HRH1: variants seen among roughly 807,000 people sequenced by gnomAD.
HRH1 encodes histamine H1 receptor.
A neutral mutation model predicts 10.3 loss-of-function variants in HRH1; 6 were observed. The observed-to-expected ratio is 0.58, with a 90% CI of 0.32 to 1.15. HRH1 has a LOEUF of 1.15. Among genes scored for constraint, HRH1 ranks in the 50% most tolerant of loss-of-function variants. The pLI is 0.05. For missense variants in HRH1, 514 were observed against 615.3 expected (o/e 0.84, Z 1.74); for synonymous variants, 242 against 236.7 (o/e 1.02, Z -0.21).
chr3:11,176,567 C>G (rs537538771), intron 1 of HRH1, among the ~76,000 whole-genome samples: 1 of 152,292 alleles, frequency 6.6e-6, no homozygotes, highest in East Asian at 1.9e-4. Context: ...GCCTACTGCT[C>G]CAGGTATGGC....
At chr3:11,247,168 C>T (rs184399673) in intron 1 of HRH1, among the ~76,000 whole-genome samples, 183 of 151,926 alleles carry the variant, frequency 1.2e-3, no homozygotes, top group African/African-American at 4.1e-3. Flanking sequence ...ACTAAAAATA[C>T]AAAATTGGCC....
chr3:11,230,774 C>T (rs113768185), intron 1 of HRH1, among the ~76,000 whole-genome samples: 5 of 152,110 alleles, frequency 3.3e-5, no homozygotes, highest in African/African-American at 9.7e-5. Context: ...TCTGGGAGTG[C>T]GGCCAAGGTA....
chr3:11,224,680 A>G (rs1225151033), intron 1 of HRH1, among the ~76,000 whole-genome samples: 2 of 149,418 alleles, frequency 1.3e-5, no homozygotes, highest in African/African-American at 4.9e-5. Flanking sequence ...AGCCTGGGCG[A>G]CTGAGCGAGA....
Position 11,260,690 on chromosome 3 carries a change from G to T in HRH1, c.*189G>T. 1 of 548,918 alleles carries T rather than the reference G, an allele frequency of 1.8e-6. No homozygotes were observed. 34.0% of individuals were successfully genotyped at this position (548,918 alleles called of 1,614,324 possible). A position where few individuals can be genotyped will look rare whatever the true frequency, so the allele number is the denominator to read the frequency against. On this transcript the variant is annotated 3_prime_UTR_variant, in exon 2 of 2. Transcript: ENST00000431010. ...ACAGCAGATGGCGGTGATCAGCAGA[G>T]AGATTGAACTTTGAGGAGGAAGCAG...
intron 1 of HRH1, among the ~76,000 whole-genome samples, chr3:11,208,472 G>T (rs1938215851): frequency 6.6e-6 from 1 of 151,928 alleles, no homozygotes; most frequent in East Asian, 1.9e-4. Context: ...TTTGTTTTTT[G>T]AGGGTTTTTT....
intron 1 of HRH1, among the ~76,000 whole-genome samples, chr3:11,247,516 T>C (rs757337686): frequency 6.6e-6 from 1 of 152,112 alleles, no homozygotes; most frequent in African/African-American, 2.4e-5. Context: ...ATAGGGTCTA[T>C]TAGGCGGGAA....
intron 1 of HRH1, among the ~76,000 whole-genome samples, chr3:11,215,430 T>G (rs974351710): frequency 9.9e-5 from 15 of 151,796 alleles, no homozygotes; most frequent in Admixed American, 5.3e-4. Flanking sequence ...TGTTTTTGGG[T>G]TTTTTTTGTT....
chr3:11,192,590 TTTTG>T (rs1937564597), intron 1 of HRH1, among the ~76,000 whole-genome samples: 1 of 152,154 alleles, frequency 6.6e-6, no homozygotes, highest in Non-Finnish European at 1.5e-5. Flanking sequence ...AGGCACTTGT[TTTTG>T]TTTGTTTGTT....
chr3:11,165,826 G>A (rs1335620992), intron 1 of HRH1, among the ~76,000 whole-genome samples: 1 of 152,202 alleles, frequency 6.6e-6, no homozygotes, highest in Non-Finnish European at 1.5e-5. Flanking sequence ...GCAATTTGGA[G>A]CTGATCTCAG....
Position 11,222,881 on chromosome 3 carries a change from A to C in HRH1, c.-35-36122A>C, listed in dbSNP as rs531833847. ...TAAAGGATTTTCTCTTTTCAGAGCC[A>C]CTCTTTTAAAATGCAGACGCTCCAG... On this transcript the variant is annotated intron_variant, in intron 1 of 1. Coordinates refer to ENST00000431010, the MANE Select transcript of HRH1 (RefSeq NM_001098212.2). Among the ~76,000 whole-genome samples, 19 of 152,078 alleles carry C rather than the reference A, an allele frequency of 1.2e-4. No individual in the cohort carries two copies. The South Asian group carries it at 4.0e-3, about 32-fold the overall frequency.
At chr3:11,191,185 T>C (rs188414401) in intron 1 of HRH1, among the ~76,000 whole-genome samples, 1 of 152,300 alleles carries the variant, frequency 6.6e-6, no homozygotes, top group African/African-American at 2.4e-5. Context: ...GGAATTAGAA[T>C]GTTGACATGT....
rs1939936103 is a variant in HRH1, at chr3:11,260,835, TG to T, written c.*337del. The T allele has an allele frequency of 3.9e-6, 1 of 253,970 alleles. No homozygotes were observed. The highest frequency in any genetic ancestry group is 8.1e-6 in the Non-Finnish European group (1 of 123,100). The allele number at this position is 253,970 out of a possible 1,614,324, so 15.7% of individuals were successfully genotyped here. ...GAACTCTCCTGCTCCTCAGGAACTATGGGAGCCTCAGACTCATTGTAATTCA... is the reference window on the plus strand; with the variant it reads ...GAACTCTCCTGCTCCTCAGGAACTATGGAGCCTCAGACTCATTGTAATTCA... On this transcript the variant is annotated 3_prime_UTR_variant, in exon 2 of 2. Transcript: ENST00000431010.
chr3:11,211,727 A>T (rs1472676288), intron 1 of HRH1, among the ~76,000 whole-genome samples: 1 of 152,190 alleles, frequency 6.6e-6, no homozygotes, highest in Non-Finnish European at 1.5e-5. Flanking sequence ...CACCACTCTG[A>T]TTTGGCCAGG....
At chr3:11,180,829 C>A (rs144228313) in intron 1 of HRH1, among the ~76,000 whole-genome samples, 406 of 152,106 alleles carry the variant, frequency 2.7e-3, no homozygotes, top group African/African-American at 9.2e-3. Flanking sequence ...TATAGATAAA[C>A]CACATTTTGG....
At chr3:11,210,328 A>T (rs938680581) in intron 1 of HRH1, among the ~76,000 whole-genome samples, 9 of 152,146 alleles carry the variant, frequency 5.9e-5, no homozygotes, top group Non-Finnish European at 8.8e-5. Context: ...CGGGAGGTCG[A>T]GGCTGCCGTG....
upstream of HRH1, among the ~76,000 whole-genome samples, chr3:11,149,914 TTGGTCCAGCCTCC>T (rs1180588318): frequency 1.6e-4 from 24 of 152,176 alleles, no homozygotes; most frequent in Admixed American, 2.0e-4. Flanking sequence ...ACAGAGCCAA[TTGGTCCAGCCTCC>T]TGGTCCAGTC....
intron 1 of HRH1, among the ~76,000 whole-genome samples, chr3:11,240,275 C>T (rs921724101): frequency 6.6e-6 from 1 of 151,922 alleles, no homozygotes; most frequent in African/African-American, 2.4e-5. Flanking sequence ...ATTTTGTTTA[C>T]CCTGTGTAGT....
chr3:11,170,117 T>G (rs1403933742), intron 1 of HRH1, among the ~76,000 whole-genome samples: 2 of 152,184 alleles, frequency 1.3e-5, no homozygotes, highest in African/African-American at 2.4e-5. Flanking sequence ...ACGAACGAGC[T>G]GTGTGACAGG....
intron 1 of HRH1, among the ~76,000 whole-genome samples, chr3:11,205,413 G>A (rs1320141346): frequency 6.6e-6 from 1 of 152,158 alleles, no homozygotes; most frequent in Non-Finnish European, 1.5e-5. Context: ...TCAAATCCCA[G>A]CTCCACCACT....
Sources: allele counts gnomAD v4.1 joint callset (sites outside exome capture counted in the v4.1 genomes callset), GRCh38; gene constraint gnomAD v4.1.1; transcripts MANE v1.5; gene names NCBI Gene and HGNC (gene_info 2026-07-23, HGNC 2026-07-21).